Variants in ARHGAP10 observed in about 807,000 individuals in gnomAD.
ARHGAP10 encodes the protein rho GTPase-activating protein 10.
ARHGAP10 carries 87 observed loss-of-function variants against 108.6 expected under a neutral mutation model. The observed-to-expected ratio is 0.80, with a 90% CI of 0.67 to 0.96. The LOEUF is 0.96. Among genes scored for constraint, ARHGAP10 ranks in the 40% least tolerant of loss-of-function variants. ARHGAP10 has a pLI of 0.00. For missense variants in ARHGAP10, 939 were observed against 954.5 expected, an observed-to-expected ratio of 0.98 and a Z score of 0.21; for synonymous variants, 347 against 341.1, an observed-to-expected ratio of 1.02 and a Z score of -0.19.
chr4:147,887,212 G>A (rs1344218472), intron 10 of ARHGAP10, among the ~76,000 whole-genome samples: 2 of 151,898 alleles, frequency 1.3e-5, no homozygotes, highest in Non-Finnish European at 2.9e-5. Flanking sequence ...TCCCGCTCTA[G>A]ACACCCACCT....
intron 12 of ARHGAP10, 42 bp from the exon 13 acceptor site, chr4:147,913,028 GATAA>G: frequency 2.0e-6 from 3 of 1,515,258 alleles, no homozygotes; most frequent in Middle Eastern, 1.7e-4. Context: ...AGAGAAATGT[GATAA>G]ATAATAATTG....
intron 10 of ARHGAP10, among the ~76,000 whole-genome samples, chr4:147,902,605 G>A (rs1409503313): frequency 6.6e-6 from 1 of 152,124 alleles, no homozygotes; most frequent in Non-Finnish European, 1.5e-5. Flanking sequence ...GCTGGGTGTA[G>A]TGGCTGTGCA....
At chr4:148,017,929 A>T (rs960559833) in intron 18 of ARHGAP10, among the ~76,000 whole-genome samples, 3 of 152,038 alleles carry the variant, frequency 2.0e-5, no homozygotes, top group African/African-American at 7.2e-5. Flanking sequence ...GGAGGGATTT[A>T]TATAAATGGC....
chr4:147,766,658 A>G (rs1729830878), intron 1 of ARHGAP10, among the ~76,000 whole-genome samples: 1 of 141,898 alleles, frequency 7.0e-6, no homozygotes, highest in Admixed American at 7.1e-5. Flanking sequence ...ACCCACACAC[A>G]CCCACACACA....
chr4:147,955,346 G>A lies in ARHGAP10; in HGVS notation c.1422G>A (p.Glu474=). The change falls in exon 16 of 23, where the codon GAG becomes GAA. Residue 474 remains glutamate (E), a synonymous_variant. Coordinates refer to ENST00000336498, the MANE Select transcript of ARHGAP10 (RefSeq NM_024605.4). ...TTCCAGAGCCTCTCATGACCTATGA[G>A]TTACATGGAGATTTCATTGTTCCAG... ...RSLPEPLMTY[E]LHGDFIVPAK... 1 of 1,611,682 alleles carries A rather than the reference G, an allele frequency of 6.2e-7. No homozygotes were observed. Among genetic ancestry groups the A allele is most frequent in the Non-Finnish European group, 8.5e-7 (1 of 1,178,262 alleles).
intron 3 of ARHGAP10, among the ~76,000 whole-genome samples, chr4:147,839,715 A>G (rs1474549302): frequency 1.3e-5 from 2 of 152,192 alleles, no homozygotes; most frequent in South Asian, 4.1e-4. Context: ...TCCTCCCCAC[A>G]GTGGAGTCTG....
At chr4:148,032,890 G>A (rs952052697) in intron 19 of ARHGAP10, among the ~76,000 whole-genome samples, 2 of 152,130 alleles carry the variant, frequency 1.3e-5, no homozygotes, top group Non-Finnish European at 1.5e-5. Context: ...GACGGCTGTG[G>A]AAGATTCAGC....
chr4:147,842,915 AAGGACTTCTT>A (rs1204539261), intron 3 of ARHGAP10, among the ~76,000 whole-genome samples: 9 of 152,150 alleles, frequency 5.9e-5, no homozygotes, highest in African/African-American at 2.2e-4. Context: ...CCTATCTCAA[AAGGACTTCTT>A]GTTTCTCTAA....
Position 148,063,216 on chromosome 4 carries a change from A to G in ARHGAP10, c.2096A>G (p.Asn699Ser). The change falls in exon 21 of 23, where the codon AAC becomes AGC. Residue 699 changes from asparagine (N) to serine (S), a missense_variant. Coordinates refer to ENST00000336498, the MANE Select transcript of ARHGAP10 (RefSeq NM_024605.4). ...CAGTCTCCAACCACAACAAGCTCCA[A>G]CTCAGCTGTGACACCTCTTTCACCC... The part of the protein sequence containing the change: ...NPQSPTTTSS[N>S]SAVTPLSPGS... 6.2e-7 allele frequency: 1 copy of G among 1,613,924 alleles called. No individual in the cohort carries two copies. The highest frequency in any genetic ancestry group is 1.6e-4 in the Middle Eastern group (1 of 6,062).
In ARHGAP10 at chr4:147,991,552, G is replaced by A. The variant is rs990558174; in HGVS notation, c.1716+24713G>A. Among the ~76,000 whole-genome samples the A allele has an allele frequency of 4.6e-5, 7 of 152,322 alleles. No individual in the cohort carries two copies. In the South Asian group the frequency reaches 1.0e-3, roughly 23 times the overall value. Reference sequence around the variant, plus strand: ...TTTTTGTTGGGAGATAGTCACATGCGCATCCTTTACCTAGTGTGTACCAAA... The same window carrying A: ...TTTTTGTTGGGAGATAGTCACATGCACATCCTTTACCTAGTGTGTACCAAA... On this transcript the variant is annotated intron_variant, in intron 18 of 22. Transcript: ENST00000336498.
At chr4:148,006,668 G>C (rs1740964278) in intron 18 of ARHGAP10, among the ~76,000 whole-genome samples, 1 of 152,012 alleles carries the variant, frequency 6.6e-6, no homozygotes, top group African/African-American at 2.4e-5. Flanking sequence ...GTACTTTTAA[G>C]GGGAAAAAAG....
At chr4:147,953,681 A>G (rs1738690854) in intron 15 of ARHGAP10, among the ~76,000 whole-genome samples, 1 of 151,772 alleles carries the variant, frequency 6.6e-6, no homozygotes, top group Admixed American at 6.6e-5. Flanking sequence ...GATCAATTTT[A>G]CTGATTATCT....
intron 15 of ARHGAP10, among the ~76,000 whole-genome samples, chr4:147,955,025 T>TA (rs1243611196): frequency 6.6e-6 from 1 of 152,080 alleles, no homozygotes; most frequent in Non-Finnish European, 1.5e-5. Context: ...GGAAGTTTTA[T>TA]ATATAAAACC....
intron 11 of ARHGAP10, among the ~76,000 whole-genome samples, chr4:147,908,995 C>T (rs1314055596): frequency 6.6e-6 from 1 of 152,080 alleles, no homozygotes; most frequent in Non-Finnish European, 1.5e-5. Context: ...AGTGTTGGAT[C>T]CCACATGTTT....
chr4:147,889,769 C>T (rs576914962), intron 10 of ARHGAP10, among the ~76,000 whole-genome samples: 160 of 152,206 alleles, frequency 1.1e-3, no homozygotes, highest in Non-Finnish European at 1.9e-3. Flanking sequence ...ATAAACTGCA[C>T]AGTGGAGGCT....
chr4:148,066,946 G>A (rs1729907634), intron 22 of ARHGAP10, among the ~76,000 whole-genome samples: 1 of 152,244 alleles, frequency 6.6e-6, no homozygotes. Flanking sequence ...GAGCCAGTTT[G>A]TGTCTCCCTT....
chr4:147,955,443 A>G (rs970386597), intron 16 of ARHGAP10, 69 bp downstream of exon 16: 16 of 1,378,302 alleles, frequency 1.2e-5, no homozygotes, highest in African/African-American at 4.4e-5. Flanking sequence ...AAAAATTTCC[A>G]TATGAAAAAT....
At chr4:147,871,610 A>G (rs937972005) in intron 7 of ARHGAP10, among the ~76,000 whole-genome samples, 2 of 152,192 alleles carry the variant, frequency 1.3e-5, no homozygotes, top group African/African-American at 4.8e-5. Context: ...GTCCTACCGT[A>G]TAGATTATTG....
At chr4:147,998,006 C>T (rs773737365) in intron 18 of ARHGAP10, among the ~76,000 whole-genome samples, 1 of 151,916 alleles carries the variant, frequency 6.6e-6, no homozygotes, top group South Asian at 2.1e-4. Context: ...AATGGCAGGG[C>T]AAAACTTACA....
Sources: allele counts gnomAD v4.1 joint callset (sites outside exome capture counted in the v4.1 genomes callset), GRCh38; gene constraint gnomAD v4.1.1; transcripts MANE v1.5; gene names NCBI Gene and HGNC (gene_info 2026-07-23, HGNC 2026-07-21).